The following TANC2 variants were observed in gnomAD, a reference collection of about 807,000 sequenced individuals.
TANC2 encodes the protein tetratricopeptide repeat, ankyrin repeat and coiled-coil containing 2, also known as protein TANC2.
Under a neutral mutation model 210.5 loss-of-function variants are expected in TANC2, and 26 were observed. The observed-to-expected ratio is 0.12, with a 90% CI of 0.09 to 0.17. The LOEUF is 0.17. TANC2 is among the 10% of genes least tolerant of loss of function. The pLI is 1.00. For synonymous variants in TANC2, 931 were observed against 967.1 expected (o/e 0.96, Z 0.69); for missense variants, 2,129 against 2,608.9 (o/e 0.82, Z 4.01).
At chr17:63,267,641 A>AT in intron 8 of TANC2, 107 bp from the exon 9 acceptor site, 1 of 1,060,408 alleles carries the variant, frequency 9.4e-7, no homozygotes, top group Non-Finnish European at 1.3e-6. Flanking sequence ...TTGCATATAT[A>AT]TTTTTTGGCT....
intron 1 of TANC2, among the ~76,000 whole-genome samples, chr17:62,981,648 A>T (rs77849045): frequency 1.3e-5 from 2 of 152,272 alleles, no homozygotes; most frequent in East Asian, 3.9e-4. Flanking sequence ...GCCAGACTTC[A>T]CAAGTTAAGG....
At chr17:63,414,134 T>G (rs1771605050) in intron 25 of TANC2, 1 of 152,462 alleles carries the variant, frequency 6.6e-6, no homozygotes, top group African/African-American at 2.4e-5. Flanking sequence ...ACAAAAACTG[T>G]GGAGGCTTTT....
chr17:63,282,131 G>A (rs1339791788), intron 9 of TANC2, among the ~76,000 whole-genome samples: 1 of 151,980 alleles, frequency 6.6e-6, no homozygotes, highest in Non-Finnish European at 1.5e-5. Flanking sequence ...GAAATCAGTG[G>A]AGTAAGAAAT....
intron 14 of TANC2, among the ~76,000 whole-genome samples, chr17:63,355,616 A>T (rs905078532): frequency 1.3e-5 from 2 of 152,218 alleles, no homozygotes; most frequent in African/African-American, 2.4e-5. Context: ...ATGCTATCCT[A>T]CGTTCCTGTG....
intron 8 of TANC2, among the ~76,000 whole-genome samples, chr17:63,266,386 T>C (rs1188261136): frequency 6.6e-6 from 1 of 152,192 alleles, no homozygotes; most frequent in East Asian, 1.9e-4. Context: ...TTTTGTTATA[T>C]TTGTTAAATG....
chr17:63,240,256 A>T (rs1262336406), intron 8 of TANC2, among the ~76,000 whole-genome samples: 2 of 152,342 alleles, frequency 1.3e-5, no homozygotes, highest in Non-Finnish European at 1.5e-5. Flanking sequence ...TGGTTCTATT[A>T]TTTGAGAAAG....
intron 3 of TANC2, among the ~76,000 whole-genome samples, chr17:63,094,307 G>A (rs2037309488): frequency 6.6e-6 from 1 of 152,008 alleles, no homozygotes; most frequent in African/African-American, 2.4e-5. Context: ...GATGATACGA[G>A]CTCTGAGTTA....
intron 8 of TANC2, among the ~76,000 whole-genome samples, chr17:63,263,322 AAATG>A (rs1321468675): frequency 6.6e-6 from 1 of 152,208 alleles, no homozygotes; most frequent in East Asian, 1.9e-4. Context: ...TATTATAACT[AAATG>A]AAGATCAAAT....
intron 1 of TANC2, chr17:62,968,649 T>C (rs543648133): frequency 6.6e-5 from 10 of 152,338 alleles, no homozygotes; most frequent in African/African-American, 2.4e-4. Context: ...AGAGCCCGAT[T>C]CTTTTCTTGT....
intron 9 of TANC2, among the ~76,000 whole-genome samples, chr17:63,293,792 T>C (rs1447381017): frequency 6.6e-6 from 1 of 150,934 alleles, no homozygotes; most frequent in Non-Finnish European, 1.5e-5. Flanking sequence ...CCACCCAGAG[T>C]GCAGTACCAT....
intron 8 of TANC2, among the ~76,000 whole-genome samples, chr17:63,259,898 T>C (rs891215186): frequency 2.0e-5 from 3 of 152,210 alleles, no homozygotes; most frequent in African/African-American, 7.2e-5. Context: ...TGAAAAATAG[T>C]GTTTTGGGGG....
chr17:63,082,617 G>A (rs1410604624), intron 3 of TANC2, among the ~76,000 whole-genome samples: 1 of 152,196 alleles, frequency 6.6e-6, no homozygotes. Context: ...ATCGTCCTAT[G>A]AATGGTACCA....
chr17:63,002,456 A>G (rs1393090084), intron 1 of TANC2, among the ~76,000 whole-genome samples: 1 of 152,198 alleles, frequency 6.6e-6, no homozygotes, highest in Non-Finnish European at 1.5e-5. Context: ...CAGTCCATCA[A>G]TCCACCTTAT....
intron 26 of TANC2, 124 bp downstream of exon 26, chr17:63,415,798 C>CAG: frequency 8.7e-7 from 1 of 1,144,792 alleles, no homozygotes; most frequent in Non-Finnish European, 1.2e-6. Context: ...TTGTCCTTCA[C>CAG]AGAGCACTGA....
At chr17:63,086,368 C>T (rs2036964760) in intron 3 of TANC2, among the ~76,000 whole-genome samples, 1 of 152,096 alleles carries the variant, frequency 6.6e-6, no homozygotes, top group South Asian at 2.1e-4. Context: ...AGTGGTTCCA[C>T]AGTTCTTAGG....
intron 2 of TANC2, among the ~76,000 whole-genome samples, chr17:63,023,204 A>G (rs1188636192): frequency 6.6e-6 from 1 of 152,166 alleles, no homozygotes; most frequent in Non-Finnish European, 1.5e-5. Flanking sequence ...CCAGTGTACA[A>G]CTCTATCCTG....
At chr17:63,172,183 CTTTT>C (rs2040425633) in intron 5 of TANC2, among the ~76,000 whole-genome samples, 1 of 146,586 alleles carries the variant, frequency 6.8e-6, no homozygotes, top group South Asian at 2.2e-4. Flanking sequence ...CTTTTTCTTT[CTTTT>C]CTTTTCTTTT....
intron 4 of TANC2, among the ~76,000 whole-genome samples, chr17:63,126,974 A>G (rs978723430): frequency 1.3e-5 from 2 of 152,194 alleles, no homozygotes; most frequent in South Asian, 2.1e-4. Flanking sequence ...TGTAAAAGGT[A>G]CTGCTGATAT....
intron 7 of TANC2, among the ~76,000 whole-genome samples, chr17:63,229,634 T>C (rs2440146): frequency 0.6 from 90,362 of 151,174 alleles, 29,517 homozygotes; most frequent in African/African-American, 0.86. Flanking sequence ...AACTTGTTAT[T>C]GGTCTATTCA....
Sources: allele counts gnomAD v4.1 joint callset (sites outside exome capture counted in the v4.1 genomes callset), GRCh38; gene constraint gnomAD v4.1.1; transcripts MANE v1.5; gene names NCBI Gene and HGNC (gene_info 2026-07-23, HGNC 2026-07-21).